The following DMD variants were observed in gnomAD, a reference collection of about 807,000 sequenced individuals.
The protein encoded by DMD is dystrophin, also known as mutant dystrophin.
DMD carries 63 observed loss-of-function variants against 330.1 expected under a neutral mutation model. That is an observed-to-expected ratio of 0.19 (90% CI 0.16 to 0.24). DMD has a LOEUF of 0.24. Among genes scored for constraint, DMD ranks in the 10% least tolerant of loss-of-function variants. The pLI is 1.00. For synonymous variants in DMD, 1,223 were observed against 959.8 expected, an observed-to-expected ratio of 1.27 and a Z score of -5.07; for missense variants, 3,344 against 2,684.1, an observed-to-expected ratio of 1.25 and a Z score of -5.43.
intron 7 of DMD, among the ~76,000 whole-genome samples, chrX:32,748,355 AAAAAGAAAAG>A (rs1186113976): frequency 3.7e-5 from 4 of 108,660 alleles, no homozygotes; most frequent in South Asian, 3.9e-4. Context: ...CAAAAAAAAA[AAAAAGAAAAG>A]AAAAGAAAAG....
intron 60 of DMD, among the ~76,000 whole-genome samples, chrX:31,438,522 C>T (rs149009382): frequency 8.9e-6 from 1 of 111,818 alleles, no homozygotes; most frequent in East Asian, 2.8e-4. Context: ...TGTAGGAAAA[C>T]ATATTTATTT....
At chrX:32,397,464 A>G (rs2098053148) in intron 30 of DMD, among the ~76,000 whole-genome samples, 2 of 111,888 alleles carry the variant, frequency 1.8e-5, no homozygotes, top group South Asian at 7.3e-4. Flanking sequence ...TCTTCATCAA[A>G]GTCAAGTAAT....
At chrX:32,874,201 T>C (rs184281076) in intron 2 of DMD, among the ~76,000 whole-genome samples, 31 of 112,359 alleles carry the variant, frequency 2.8e-4, no homozygotes, top group Non-Finnish European at 5.3e-4. Flanking sequence ...GCTTTTCATG[T>C]CTTTTTCTTA....
intron 44 of DMD, among the ~76,000 whole-genome samples, chrX:31,974,147 A>C (rs1174663002): frequency 8.9e-6 from 1 of 112,151 alleles, no homozygotes; most frequent in East Asian, 2.8e-4. Flanking sequence ...AATCATAAGC[A>C]AATTAACGCA....
intron 12 of DMD, among the ~76,000 whole-genome samples, chrX:32,612,196 A>C (rs1181359413): frequency 9.0e-6 from 1 of 111,513 alleles, no homozygotes; most frequent in African/African-American, 3.3e-5. Flanking sequence ...TATACCTTAG[A>C]AATGTCCCAC....
intron 47 of DMD, among the ~76,000 whole-genome samples, chrX:31,925,336 G>C (rs1347140533): frequency 9.0e-6 from 1 of 111,023 alleles, no homozygotes; most frequent in African/African-American, 3.3e-5. Context: ...AACCTTTCTA[G>C]GACTCGGTGT....
chrX:32,293,732 C>T (rs331330), intron 42 of DMD, among the ~76,000 whole-genome samples: 21,405 of 110,813 alleles, frequency 0.19, 1,622 homozygotes, highest in East Asian at 0.3. Context: ...GGATACTATG[C>T]TCACTGCCTG....
intron 47 of DMD, among the ~76,000 whole-genome samples, chrX:31,889,641 T>TCACACA (rs1173379258): frequency 5.8e-4 from 40 of 68,722 alleles, no homozygotes; most frequent in African/African-American, 2.6e-3. Context: ...TCTCTCTCTC[T>TCACACA]CTCTCTCACA....
intron 63 of DMD, among the ~76,000 whole-genome samples, chrX:31,228,276 A>AAAAAAAAAAAAAAAAAAAAAAAAAT (rs2046861743): frequency 3.5e-5 from 1 of 28,958 alleles, no homozygotes; most frequent in Non-Finnish European, 5.6e-5. Context: ...ATAAAAAAAT[A>AAAAAAAAAAAAAAAAAAAAAAAAAT]AAAAAAAAAA....
chrX:31,918,609 G>A lies in DMD; in HGVS notation c.6912+10987C>T, dbSNP rs151230417. Among the ~76,000 whole-genome samples the A allele has an allele frequency of 8.2e-3, 861 of 105,339 alleles. 12 individuals are homozygous for A. The highest frequency in any genetic ancestry group is 0.028 in the African/African-American group (788 of 28,305). The allele number at this position is 105,339 out of a possible 115,157, so 91.5% of individuals were successfully genotyped here. A position where few individuals can be genotyped will look rare whatever the true frequency, so the allele number is the denominator to read the frequency against. On this transcript the variant is annotated intron_variant, in intron 47 of 78. Transcript: ENST00000357033. The stretch of plus-strand genomic sequence containing the variant: ...AGTTTCAGCATAAAGACTTGAACAT[G>A]TTAATGTCAACATCTTTTTTTTTAA...
intron 60 of DMD, among the ~76,000 whole-genome samples, chrX:31,362,807 G>A (rs995006364): frequency 1.8e-5 from 2 of 112,018 alleles, no homozygotes; most frequent in Admixed American, 9.4e-5. Context: ...TAAATTAGCC[G>A]GGCATGGTGG....
chrX:31,399,323 A>G (rs1420067554), intron 60 of DMD, among the ~76,000 whole-genome samples: 1 of 107,853 alleles, frequency 9.3e-6, no homozygotes, highest in East Asian at 3.0e-4. Flanking sequence ...ATGCTGTCAA[A>G]CTGTCCCTCT....
chrX:32,463,844 A>T (rs2098392014), intron 24 of DMD, among the ~76,000 whole-genome samples: 1 of 112,088 alleles, frequency 8.9e-6, no homozygotes, highest in Non-Finnish European at 1.9e-5. Flanking sequence ...ACAAAAGGAA[A>T]TAAATTTAAT....
At chrX:31,210,991 T>C (rs1167152958) in intron 64 of DMD, among the ~76,000 whole-genome samples, 1 of 112,072 alleles carries the variant, frequency 8.9e-6, no homozygotes, top group East Asian at 2.8e-4. Context: ...AGCAGGAGTC[T>C]GCACTCCTCC....
chrX:31,732,594 A>G (rs1279695716), intron 51 of DMD, among the ~76,000 whole-genome samples: 3 of 111,317 alleles, frequency 2.7e-5, no homozygotes, highest in African/African-American at 9.8e-5. Context: ...GAACTTCTCA[A>G]ATAAACTGAC....
At chrX:32,053,889 T>A (rs1039074346) in intron 44 of DMD, among the ~76,000 whole-genome samples, 2 of 111,054 alleles carry the variant, frequency 1.8e-5, no homozygotes, top group African/African-American at 6.5e-5. Flanking sequence ...GAAAGTAGGA[T>A]CTATACCTTA....
chrX:32,679,725 G>A (rs983492869), intron 9 of DMD, among the ~76,000 whole-genome samples: 7 of 108,577 alleles, frequency 6.4e-5, no homozygotes, highest in African/African-American at 1.7e-4. Context: ...TAATAAAATA[G>A]AAGTTTTAAT....
At chrX:32,951,861 A>G (rs776971570) in intron 2 of DMD, among the ~76,000 whole-genome samples, 1 of 111,873 alleles carries the variant, frequency 8.9e-6, no homozygotes, top group Non-Finnish European at 1.9e-5. Flanking sequence ...CCCCAAATAG[A>G]ATTATTTATG....
intron 44 of DMD, among the ~76,000 whole-genome samples, chrX:32,147,877 C>CTT (rs779461772): frequency 3.6e-4 from 32 of 87,917 alleles, no homozygotes; most frequent in African/African-American, 8.4e-4. Flanking sequence ...AAAATTTCTT[C>CTT]TTTTTTTTTT....
Sources: gnomAD v4.1 joint callset for allele counts (sites outside exome capture counted in the v4.1 genomes callset) on GRCh38, gnomAD v4.1.1 for gene constraint, MANE v1.5 for transcripts, NCBI Gene and HGNC (gene_info 2026-07-23, HGNC 2026-07-21) for gene names.